Variants in LINGO2 observed in about 807,000 individuals in gnomAD.
LINGO2 encodes leucine rich repeat and Ig domain containing 2.
Under a neutral mutation model 30.6 loss-of-function variants are expected in LINGO2, and 14 were observed. That is an observed-to-expected ratio of 0.46 (90% CI 0.30 to 0.72). The LOEUF (loss-of-function observed/expected upper bound fraction) is 0.72, where lower values mean the gene tolerates loss of function less well. Ranked by LOEUF, LINGO2 falls within the 30% of genes least tolerant of loss-of-function variation. The pLI, the probability that LINGO2 is intolerant of heterozygous loss-of-function variation, is 0.07. For missense variants in LINGO2, 729 were observed against 751.7 expected (o/e 0.97, Z 0.35); for synonymous variants, 317 against 288.5 (o/e 1.10, Z -1.00).
chr9:28,964,021 T>C, the LINGO2 span, among the ~76,000 whole-genome samples: 1 of 151,924 alleles, frequency 6.6e-6, no homozygotes, highest in South Asian at 2.1e-4. Context: ...TTGTGTCAGA[T>C]ACTTTGTCAA....
the LINGO2 span, among the ~76,000 whole-genome samples, chr9:28,708,012 C>T: frequency 6.6e-6 from 1 of 152,006 alleles, no homozygotes; most frequent in African/African-American, 2.4e-5. Flanking sequence ...GGAATAAAGA[C>T]CTAATAAAAT....
the LINGO2 span, among the ~76,000 whole-genome samples, chr9:28,768,113 A>G: frequency 6.6e-6 from 1 of 152,240 alleles, no homozygotes; most frequent in Non-Finnish European, 1.5e-5. Context: ...TCATTATAAA[A>G]GAGTGACTAT....
the LINGO2 span, among the ~76,000 whole-genome samples, chr9:29,069,355 T>C: frequency 3.3e-5 from 5 of 151,958 alleles, no homozygotes; most frequent in African/African-American, 4.8e-5. Context: ...GGATATCAAT[T>C]AGTATTATAT....
At chr9:28,498,072 G>A (rs57607944) in intron 1 of LINGO2, among the ~76,000 whole-genome samples, 25,084 of 152,074 alleles carry the variant, frequency 0.16, 2,184 homozygotes, top group East Asian at 0.3. Context: ...GCCCCTACTC[G>A]GGGGTGCCTC....
In LINGO2 at chr9:28,510,680, ATATG is replaced by A. The variant is rs939594119; in HGVS notation, c.-364-34659_-364-34656del. On this transcript the variant is annotated intron_variant, in intron 1 of 5. Coordinates refer to ENST00000379992, the Ensembl canonical transcript of LINGO2. Reference sequence around the variant, plus strand: ...GGTTGTTCTAGTGTCAACTGTATATATATGTGTGTGTGTGTGTGTGTGTGTGTGT... The same window carrying A: ...GGTTGTTCTAGTGTCAACTGTATATATGTGTGTGTGTGTGTGTGTGTGTGT... Among the ~76,000 whole-genome samples the A allele has an allele frequency of 1.7e-3, 49 of 29,516 alleles. No homozygotes were observed. In the East Asian group the frequency reaches 0.039, roughly 24 times the overall value. The allele number at this position is 29,516 out of a possible 152,430, so 19.4% of individuals were successfully genotyped here.
At chr9:28,008,733 C>CAA (rs1294859865) in intron 5 of LINGO2, among the ~76,000 whole-genome samples, 1 of 151,848 alleles carries the variant, frequency 6.6e-6, no homozygotes, top group Non-Finnish European at 1.5e-5. Flanking sequence ...AAAACAAATG[C>CAA]AAAACTAAAA....
At chr9:28,398,520 C>A (rs754466097) in intron 2 of LINGO2, among the ~76,000 whole-genome samples, 1 of 151,936 alleles carries the variant, frequency 6.6e-6, no homozygotes, top group Non-Finnish European at 1.5e-5. Context: ...AATTTGTTAA[C>A]AGGGATTAAA....
intron 4 of LINGO2, among the ~76,000 whole-genome samples, chr9:28,250,763 T>C (rs1011653308): frequency 2.0e-5 from 3 of 152,320 alleles, no homozygotes; most frequent in African/African-American, 7.2e-5. Flanking sequence ...CTTGCACTTA[T>C]GCCCTATCTG....
chr9:28,644,125 T>A (rs1377542033), intron 1 of LINGO2, among the ~76,000 whole-genome samples: 2 of 151,924 alleles, frequency 1.3e-5, no homozygotes, highest in African/African-American at 2.4e-5. Flanking sequence ...AGTTTGGACA[T>A]TCCTCAAAAA....
rs374393465 is a variant in LINGO2 at position 28,638,053 on chromosome 9, G to T, written c.-365+32147C>A. Among the ~76,000 whole-genome samples the T allele has an allele frequency of 3.3e-5, 5 of 152,214 alleles. No homozygotes were observed. In the East Asian group the frequency reaches 7.7e-4, roughly 24 times the overall value. ...TGAAGGTTGTTGAATTTTGTCAAAG[G>T]CCTTTTCTGCATCTATTGAGATAAT... On this transcript the variant is annotated intron_variant, in intron 1 of 5. Transcript: ENST00000379992.
chr9:28,631,236 T>A (rs1409927144), intron 1 of LINGO2, among the ~76,000 whole-genome samples: 1 of 151,992 alleles, frequency 6.6e-6, no homozygotes, highest in Non-Finnish European at 1.5e-5. Flanking sequence ...TGTATACATG[T>A]GCCATGTTGG....
chr9:28,442,714 A>T (rs918142960), intron 2 of LINGO2, among the ~76,000 whole-genome samples: 12 of 152,166 alleles, frequency 7.9e-5, no homozygotes, highest in African/African-American at 2.2e-4. Flanking sequence ...CTAGGTAATT[A>T]GGCTCATTTA....
chr9:28,575,320 A>C (rs1412604221), intron 1 of LINGO2, among the ~76,000 whole-genome samples: 2 of 149,204 alleles, frequency 1.3e-5, no homozygotes, highest in African/African-American at 4.9e-5. Flanking sequence ...AATTGCTTGA[A>C]CCTCGGCGGC....
chr9:28,408,774 C>CAAAAAAAA (rs68142692), intron 2 of LINGO2, among the ~76,000 whole-genome samples: 1 of 127,566 alleles, frequency 7.8e-6, no homozygotes, highest in African/African-American at 3.3e-5. Context: ...TATAAAAAAA[C>CAAAAAAAA]AAAAAAAAAA....
chr9:29,090,489 T>A, the LINGO2 span, among the ~76,000 whole-genome samples: 2 of 152,084 alleles, frequency 1.3e-5, no homozygotes, highest in South Asian at 4.1e-4. Flanking sequence ...CTGATTCATT[T>A]GTGTATCTCA....
the LINGO2 span, among the ~76,000 whole-genome samples, chr9:29,092,380 C>G: frequency 1.3e-5 from 2 of 151,802 alleles, no homozygotes; most frequent in Non-Finnish European, 2.9e-5. Flanking sequence ...TTCTACACAC[C>G]AAAAAGTTTC....
At chr9:28,802,993 G>C in the LINGO2 span, among the ~76,000 whole-genome samples, 11 of 152,014 alleles carry the variant, frequency 7.2e-5, no homozygotes, top group African/African-American at 2.7e-4. Context: ...TAAAATGTTA[G>C]AAATAGAAAG....
chr9:28,766,457 A>C, the LINGO2 span, among the ~76,000 whole-genome samples: 1 of 151,504 alleles, frequency 6.6e-6, no homozygotes, highest in Non-Finnish European at 1.5e-5. Context: ...GAAAAAAAAA[A>C]ACCCTTGTAC....
chr9:28,913,757 T>G, the LINGO2 span, among the ~76,000 whole-genome samples: 3 of 152,146 alleles, frequency 2.0e-5, no homozygotes, highest in Admixed American at 2.0e-4. Flanking sequence ...TATTCACTAC[T>G]TAAGAAACAA....
Sources: allele counts gnomAD v4.1 joint callset (sites outside exome capture counted in the v4.1 genomes callset), GRCh38; gene constraint gnomAD v4.1.1; transcripts MANE v1.5; gene names NCBI Gene and HGNC (gene_info 2026-07-23, HGNC 2026-07-21).